The following GABRA3 variants were observed in gnomAD, a reference collection of about 807,000 sequenced individuals.
GABRA3 encodes gamma-aminobutyric acid type A receptor subunit alpha3, also known as gamma-aminobutyric acid receptor subunit alpha-3.
In GABRA3, 10 loss-of-function variants were observed where a neutral mutation model predicts 30.1. That is an observed-to-expected ratio of 0.33 (90% CI 0.20 to 0.56). The LOEUF is 0.56. Ranked by LOEUF, GABRA3 falls within the 20% of genes least tolerant of loss-of-function variation. The pLI is 0.89. For missense variants in GABRA3, 233 were observed against 392.0 expected (o/e 0.59, Z 3.42); for synonymous variants, 151 against 146.8 (o/e 1.03, Z -0.21).
At chrX:152,182,483 T>A (rs1392235594) in intron 9 of GABRA3, among the ~76,000 whole-genome samples, 1 of 87,278 alleles carries the variant, frequency 1.1e-5, no homozygotes, top group Non-Finnish European at 2.2e-5. Context: ...ATATATAGTA[T>A]ACATACTATA....
intron 1 of GABRA3, among the ~76,000 whole-genome samples, chrX:152,375,886 C>G (rs1469752710): frequency 8.9e-6 from 1 of 111,890 alleles, no homozygotes; most frequent in Non-Finnish European, 1.9e-5. Flanking sequence ...TCAAGATGAT[C>G]AGAAGAGACA....
intron 3 of GABRA3, among the ~76,000 whole-genome samples, chrX:152,302,522 C>CA (rs1939649260): frequency 1.8e-5 from 2 of 111,006 alleles, no homozygotes; most frequent in Admixed American, 1.9e-4. Context: ...AATCTAAACA[C>CA]AAAATTCAGT....
intron 8 of GABRA3, among the ~76,000 whole-genome samples, chrX:152,194,372 T>A (rs145848196): frequency 0.028 from 3,177 of 111,642 alleles, 42 homozygotes; most frequent in Middle Eastern, 0.047. Flanking sequence ...GTCCTTTTAT[T>A]ATTGAATTTT....
At chrX:152,225,459 A>C (rs986083058) in intron 5 of GABRA3, among the ~76,000 whole-genome samples, 42 of 88,154 alleles carry the variant, frequency 4.8e-4, no homozygotes, top group African/African-American at 1.9e-3. Context: ...CACACACACG[A>C]AAACTGACCA....
intron 3 of GABRA3, 40 bp downstream of exon 3, chrX:152,345,541 A>G: frequency 8.5e-7 from 1 of 1,178,734 alleles, no homozygotes; most frequent in African/African-American, 1.8e-5. Flanking sequence ...GGCCAAGAAG[A>G]AGATCTGAAA....
At chrX:152,395,109 G>T (rs1342654959) in intron 1 of GABRA3, among the ~76,000 whole-genome samples, 1 of 109,964 alleles carries the variant, frequency 9.1e-6, no homozygotes, top group African/African-American at 3.3e-5. Flanking sequence ...GATGACAGTG[G>T]TACAAAAAAA....
rs750694389 is a variant in GABRA3, at chrX:152,225,453, C to T, written c.552-608G>A. On this transcript the variant is annotated intron_variant, in intron 5 of 9. Transcript: ENST00000370314. ...ACACGCACACACACACACACACACA[C>T]ACACGAAAACTGACCACTCCAGGAA... 1.5e-4 allele frequency among the ~76,000 whole-genome samples: 16 copies of T among 108,167 alleles called. No individual in the cohort carries two copies. In the East Asian group the frequency reaches 4.5e-3, roughly 30 times the overall value. 93.9% of individuals were successfully genotyped at this position (108,167 alleles called of 115,157 possible). A position where few individuals can be genotyped will look rare whatever the true frequency, so the allele number is the denominator to read the frequency against.
At chrX:152,327,667 C>G (rs953180549) in intron 3 of GABRA3, among the ~76,000 whole-genome samples, 1 of 111,779 alleles carries the variant, frequency 8.9e-6, no homozygotes. Context: ...AACAAAGACA[C>G]AACATACCAG....
At chrX:152,190,601 C>T (rs1218230644) in intron 8 of GABRA3, among the ~76,000 whole-genome samples, 1 of 109,768 alleles carries the variant, frequency 9.1e-6, no homozygotes, top group Admixed American at 9.8e-5. Flanking sequence ...TGCTTACTTC[C>T]TTAATTTTGG....
Position 152,248,140 on chromosome X carries a change from C to T in GABRA3, c.551+7638G>A, listed in dbSNP as rs894809379. ...TGGACCTCTGTCATTCCTTCCTGGA[C>T]TATGAAAGGGTCTGTTAACTAGTAT... On this transcript the variant is annotated intron_variant, in intron 5 of 9. Transcript: ENST00000370314. Among the ~76,000 whole-genome samples the T allele has an allele frequency of 2.4e-4, 27 of 110,819 alleles. 1 individual carries two copies. The highest frequency in any genetic ancestry group is 4.7e-4 in the Non-Finnish European group (25 of 52,729).
intron 1 of GABRA3, among the ~76,000 whole-genome samples, chrX:152,377,997 C>T (rs1411133610): frequency 1.8e-5 from 2 of 112,187 alleles, no homozygotes; most frequent in East Asian, 5.6e-4. Context: ...AAGCAGGCCT[C>T]TCTTACTCTC....
intron 1 of GABRA3, among the ~76,000 whole-genome samples, chrX:152,415,175 G>A (rs1280651266): frequency 2.7e-5 from 3 of 110,964 alleles, no homozygotes; most frequent in Admixed American, 9.6e-5. Context: ...TAATAAAAAT[G>A]TATCTAATAT....
intron 9 of GABRA3, among the ~76,000 whole-genome samples, chrX:152,169,230 T>C (rs1936973630): frequency 8.9e-6 from 1 of 112,435 alleles, no homozygotes; most frequent in Non-Finnish European, 1.9e-5. Flanking sequence ...ATAAAGACAA[T>C]ACATACCATG....
chrX:152,237,854 C>T (rs1404536372), intron 5 of GABRA3, among the ~76,000 whole-genome samples: 5 of 109,618 alleles, frequency 4.6e-5, no homozygotes, highest in South Asian at 3.9e-4. Context: ...TATCCTGAGA[C>T]TTTGCTGAAG....
chrX:152,261,822 C>T (rs1346927559), intron 4 of GABRA3, among the ~76,000 whole-genome samples: 6 of 112,236 alleles, frequency 5.3e-5, no homozygotes, highest in Non-Finnish European at 9.4e-5. Context: ...TTCCACTATG[C>T]GGTGCCCCAG....
chrX:152,201,244 T>C (rs937083881), intron 7 of GABRA3, among the ~76,000 whole-genome samples: 1 of 111,954 alleles, frequency 8.9e-6, no homozygotes, highest in African/African-American at 3.2e-5. Flanking sequence ...GAAACTTTAA[T>C]CAAATTGGAA....
At chrX:152,361,515 G>A (rs1928502984) in intron 2 of GABRA3, among the ~76,000 whole-genome samples, 1 of 103,267 alleles carries the variant, frequency 9.7e-6, no homozygotes, top group African/African-American at 3.6e-5. Context: ...GGAAGTTGCA[G>A]TGAGCTGAGA....
rs758711281 is a variant in GABRA3 at position 152,305,420 on chromosome X, TA to T, written c.263-20686del. 6.9e-3 allele frequency among the ~76,000 whole-genome samples: 664 copies of T among 96,301 alleles called. 5 individuals carry two copies. Among genetic ancestry groups the T allele is most frequent in the African/African-American group, 0.017 (445 of 26,702 alleles). The allele number at this position is 96,301 out of a possible 115,157, so 83.6% of individuals were successfully genotyped here. ...AAATGTACCACCTGAATCTAAAATG[TA>T]AAAAAAAAAAAAAATTATTGTCCCA... On this transcript the variant is annotated intron_variant, in intron 3 of 9. Coordinates refer to ENST00000370314, the MANE Select transcript of GABRA3 (RefSeq NM_000808.4).
chrX:152,330,558 A>G (rs1324375212), intron 3 of GABRA3, among the ~76,000 whole-genome samples: 1 of 111,194 alleles, frequency 9.0e-6, no homozygotes, highest in African/African-American at 3.3e-5. Flanking sequence ...TGGGACATGG[A>G]TGAAACTGGA....
Sources: gnomAD v4.1 joint callset for allele counts (sites outside exome capture counted in the v4.1 genomes callset) on GRCh38, gnomAD v4.1.1 for gene constraint, MANE v1.5 for transcripts, NCBI Gene and HGNC (gene_info 2026-07-23, HGNC 2026-07-21) for gene names.